PCDHGB3: variants seen among roughly 807,000 people sequenced by gnomAD.
PCDHGB3 encodes the protein protocadherin gamma-B3.
PCDHGB3 carries 40 observed loss-of-function variants against 59.2 expected under a neutral mutation model. The ratio of observed to expected loss-of-function variants is 0.68; its 90% CI spans 0.52 to 0.88. The LOEUF (loss-of-function observed/expected upper bound fraction) is 0.88, where lower values mean the gene tolerates loss of function less well. Ranked by LOEUF, PCDHGB3 falls within the 40% of genes least tolerant of loss-of-function variation. The probability of loss-of-function intolerance (pLI) is 0.00; values close to 1 mark genes in which losing one functional copy is unlikely to be tolerated. For missense variants in PCDHGB3, 1,309 were observed against 1,187.9 expected (o/e 1.10, Z -1.50); for synonymous variants, 581 against 503.6 (o/e 1.15, Z -2.06).
At chr5:141,472,980 C>CAAAAAAA (rs60579131) in intron 1 of PCDHGB3, among the ~76,000 whole-genome samples, 1 of 86,102 alleles carries the variant, frequency 1.2e-5, no homozygotes, top group South Asian at 4.3e-4. Flanking sequence ...GAGTGAAACT[C>CAAAAAAA]AAAAAAAAAA....
intron 3 of PCDHGB3, among the ~76,000 whole-genome samples, chr5:141,510,266 C>T (rs1202092142): frequency 7.0e-6 from 1 of 143,198 alleles, no homozygotes; most frequent in Non-Finnish European, 1.5e-5. Flanking sequence ...GAGCAGGACT[C>T]CATCTTAAAA....
rs1288831801 is a variant in PCDHGB3, at chr5:141,477,793, T to C, written c.2416-17014T>C. The C allele has an allele frequency of 6.2e-7, 1 of 1,614,050 alleles. No homozygotes were observed. The highest frequency in any genetic ancestry group is 2.2e-5 in the East Asian group (1 of 44,874). ...TCAGCGTGAACATATTTGTCACTGATCGCAATGACAATGCCCCCCAGGTCC... is the reference window on the plus strand; with the variant it reads ...TCAGCGTGAACATATTTGTCACTGACCGCAATGACAATGCCCCCCAGGTCC... On this transcript the variant is annotated intron_variant, in intron 1 of 3. Coordinates refer to ENST00000576222, the MANE Select transcript of PCDHGB3 (RefSeq NM_018924.5). This position sits in a 1 kb window ranked among gnomAD's most constrained non-coding sequence, Gnocchi z 4.9.
intron 1 of PCDHGB3, chr5:141,375,875 T>C: frequency 6.2e-7 from 1 of 1,613,778 alleles, no homozygotes; most frequent in Non-Finnish European, 8.5e-7. Flanking sequence ...GGACAGAGAC[T>C]CGGGCCAGAA....
Position 141,476,023 on chromosome 5 carries a change from G to A in PCDHGB3, c.2416-18784G>A. 1 of 1,415,690 alleles carries A rather than the reference G, an allele frequency of 7.1e-7. No homozygotes were observed. The highest frequency in any genetic ancestry group is 2.3e-5 in the Admixed American group (1 of 43,980). 87.7% of individuals were successfully genotyped at this position (1,415,690 alleles called of 1,614,324 possible). A position where few individuals can be genotyped will look rare whatever the true frequency, so the allele number is the denominator to read the frequency against. ...CATCCAGAAAGCCATGTCGGACTCG[G>A]CGCCCAGCGCCCAAGCGCTAACCCG... On this transcript the variant is annotated intron_variant, in intron 1 of 3. Coordinates refer to ENST00000576222, the MANE Select transcript of PCDHGB3 (RefSeq NM_018924.5). This position sits in a 1 kb window ranked among gnomAD's most constrained non-coding sequence, Gnocchi z 7.6.
chr5:141,394,432 C>T (rs1561648568), intron 1 of PCDHGB3: 2 of 1,614,238 alleles, frequency 1.2e-6, no homozygotes, highest in Admixed American at 1.7e-5. Flanking sequence ...AGCGGGGACC[C>T]GCCCCTCAGC....
chr5:141,431,146 T>G lies in PCDHGB3; in HGVS notation c.2415+58337T>G. On this transcript the variant is annotated intron_variant, in intron 1 of 3. Coordinates refer to ENST00000576222, the MANE Select transcript of PCDHGB3 (RefSeq NM_018924.5). The surrounding 1 kb of genome is among the most constrained non-coding windows in gnomAD (Gnocchi z 4.8). The stretch of plus-strand genomic sequence containing the variant: ...TAGAAGTAAGGGACATTAACGACAA[T>G]GCGCCTTACTTTCGTGAAAGTGAAT... 6.2e-7 allele frequency: 1 copy of G among 1,614,124 alleles called. No individual in the cohort carries two copies. Among genetic ancestry groups the G allele is most frequent in the African/African-American group, 1.3e-5 (1 of 75,022 alleles).
At chr5:141,421,034 C>G (rs2096540283) in intron 1 of PCDHGB3, 2 of 538,266 alleles carry the variant, frequency 3.7e-6, no homozygotes, top group Non-Finnish European at 6.4e-6. Context: ...CATTGAGTCC[C>G]TCCCTCCCCC....
chr5:141,502,282 C>A (rs187281689), intron 2 of PCDHGB3, among the ~76,000 whole-genome samples: 1 of 151,848 alleles, frequency 6.6e-6, no homozygotes, highest in Non-Finnish European at 1.5e-5. Flanking sequence ...GCATAGATTG[C>A]ATTTGGTTGT....
chr5:141,450,479 G>GTTTT (rs1165567597), intron 1 of PCDHGB3, among the ~76,000 whole-genome samples: 124 of 152,020 alleles, frequency 8.2e-4, no homozygotes, highest in African/African-American at 2.9e-3. Flanking sequence ...GAGTTTGTTT[G>GTTTT]TTTGTTTGTC....
At position 141,487,448 on chromosome 5, in the gene PCDHGB3, C is replaced by T; in HGVS notation, c.2416-7359C>T. The stretch of plus-strand genomic sequence containing the variant: ...CCGAATCCAGCTAGGGTCAGATGAC[C>T]CTATCAAGTTTGTTGATGTGGGAGG... On this transcript the variant is annotated intron_variant, in intron 1 of 3. Coordinates refer to ENST00000576222, the MANE Select transcript of PCDHGB3 (RefSeq NM_018924.5). The surrounding 1 kb of genome is among the most constrained non-coding windows in gnomAD (Gnocchi z 5.0). 6.8e-6 allele frequency: 11 copies of T among 1,614,146 alleles called. No individual in the cohort carries two copies. The highest frequency in any genetic ancestry group is 9.3e-6 in the Non-Finnish European group (11 of 1,180,028).
chr5:141,462,262 A>G (rs2099035971), intron 1 of PCDHGB3, among the ~76,000 whole-genome samples: 1 of 152,192 alleles, frequency 6.6e-6, no homozygotes, highest in African/African-American at 2.4e-5. Flanking sequence ...GACCAGCCTA[A>G]AGTGTATTGT....
intron 1 of PCDHGB3, among the ~76,000 whole-genome samples, chr5:141,407,339 T>C (rs958646781): frequency 3.3e-5 from 5 of 152,222 alleles, no homozygotes; most frequent in Non-Finnish European, 7.3e-5. Context: ...TTGAAATGTA[T>C]GTTAATTTGG....
chr5:141,432,428 G>C lies in PCDHGB3; in HGVS notation c.2415+59619G>C. 6.2e-7 allele frequency: 1 copy of C among 1,614,232 alleles called. No homozygotes were observed. On this transcript the variant is annotated intron_variant, in intron 1 of 3. Coordinates refer to ENST00000576222, the MANE Select transcript of PCDHGB3 (RefSeq NM_018924.5). The surrounding 1 kb of genome is among the most constrained non-coding windows in gnomAD (Gnocchi z 6.0). ...GAGCCTGTTCGTGCTGGACCAGAAC[G>C]ACAATGCGCCCGAGATCCTGTACCC...
Position 141,476,758 on chromosome 5 carries a change from G to A in PCDHGB3, c.2416-18049G>A. On this transcript the variant is annotated intron_variant, in intron 1 of 3. Transcript: ENST00000576222. The surrounding 1 kb of genome is among the most constrained non-coding windows in gnomAD (Gnocchi z 7.6). Reference sequence around the variant, plus strand: ...GGGAGCCTAGTCTCCAGTTAGTGCTGACGGCGTTGGACGGAGGGACCCCAG... The same window carrying A: ...GGGAGCCTAGTCTCCAGTTAGTGCTAACGGCGTTGGACGGAGGGACCCCAG... 1 of 1,613,868 alleles carries A rather than the reference G, an allele frequency of 6.2e-7. No homozygotes were observed. The highest frequency in any genetic ancestry group is 1.1e-5 in the South Asian group (1 of 91,086).
At chr5:141,439,432 A>C (rs537630916) in intron 1 of PCDHGB3, among the ~76,000 whole-genome samples, 1 of 152,326 alleles carries the variant, frequency 6.6e-6, no homozygotes, top group African/African-American at 2.4e-5. Flanking sequence ...AATTCCCAGG[A>C]ATATTTTATT....
rs1317308437 is a variant in PCDHGB3, at chr5:141,418,492, A to G, written c.2415+45683A>G. The G allele has an allele frequency of 1.9e-6, 3 of 1,613,886 alleles. No homozygotes were observed. The African/African-American group carries it at 4.0e-5, about 22-fold the overall frequency. On this transcript the variant is annotated intron_variant, in intron 1 of 3. Coordinates refer to ENST00000576222, the MANE Select transcript of PCDHGB3 (RefSeq NM_018924.5). ...AAACGCAGAGCGCTCACCACTTGGT[A>G]CTGACCGCCTTAGATGGTGGGGACC... is the stretch of plus-strand genomic sequence containing the variant.
At chr5:141,399,679 T>C (rs757165628) in intron 1 of PCDHGB3, 4 of 1,613,560 alleles carry the variant, frequency 2.5e-6, no homozygotes, top group South Asian at 2.2e-5. Flanking sequence ...CGCCTTTGAC[T>C]ACGAGCAGCT....
chr5:141,422,069 C>A, intron 1 of PCDHGB3: 3 of 1,611,836 alleles, frequency 1.9e-6, no homozygotes, highest in Non-Finnish European at 2.5e-6. Flanking sequence ...GTAATGTATT[C>A]ATTTCGGAAC....
rs1209242275 is a variant in PCDHGB3, at chr5:141,371,543, A to G, written c.1149A>G (p.Leu383=). The G allele has an allele frequency of 3.1e-6, 5 of 1,613,694 alleles. No homozygotes were observed. The highest frequency in any genetic ancestry group is 4.2e-6 in the Non-Finnish European group (5 of 1,179,746). Residue 383 remains leucine (L), a synonymous_variant, in exon 1 of 4, where the codon CTA becomes CTG. Transcript: ENST00000576222. ...DLDSGFNGEI[L]CQLKGNFPFK... ...ATTCTGGATTTAATGGAGAAATCCTATGCCAACTAAAAGGAAACTTCCCCT... is the reference window on the plus strand; with the variant it reads ...ATTCTGGATTTAATGGAGAAATCCTGTGCCAACTAAAAGGAAACTTCCCCT...
Sources: allele counts gnomAD v4.1 joint callset (sites outside exome capture counted in the v4.1 genomes callset), GRCh38; gene constraint gnomAD v4.1.1; non-coding constraint Gnocchi (gnomAD v3.1); transcripts MANE v1.5; gene names NCBI Gene and HGNC (gene_info 2026-07-23, HGNC 2026-07-21).